Variants in PKN2 observed in about 807,000 individuals in gnomAD.
PKN2 encodes the protein serine/threonine-protein kinase N2.
PKN2 carries 38 observed loss-of-function variants against 119.1 expected under a neutral mutation model. The ratio of observed to expected loss-of-function variants is 0.32; its 90% confidence interval spans 0.25 to 0.42. PKN2 has a LOEUF of 0.42. Among genes scored for constraint, PKN2 ranks in the 10% least tolerant of loss-of-function variants. The probability of loss-of-function intolerance (pLI) is 1.00; values close to 1 mark genes in which losing one functional copy is unlikely to be tolerated. For synonymous variants in PKN2, 390 were observed against 384.9 expected (o/e 1.01, Z -0.15); for missense variants, 850 against 1,165.1 (o/e 0.73, Z 3.94).
intron 2 of PKN2, among the ~76,000 whole-genome samples, chr1:88,750,336 A>G (rs907660555): frequency 6.6e-6 from 1 of 152,208 alleles, no homozygotes; most frequent in African/African-American, 2.4e-5. Flanking sequence ...TCCTCTAAGA[A>G]GGATCGGGAT....
intron 1 of PKN2, among the ~76,000 whole-genome samples, chr1:88,686,352 G>A (rs997001985): frequency 4.6e-5 from 7 of 151,988 alleles, no homozygotes; most frequent in Non-Finnish European, 1.0e-4. Context: ...CACCTACTTT[G>A]GCACTGGAAC....
chr1:88,816,149 A>G (rs1470627031), intron 16 of PKN2, among the ~76,000 whole-genome samples: 1 of 151,670 alleles, frequency 6.6e-6, no homozygotes, highest in Non-Finnish European at 1.5e-5. Context: ...AATTAAAAAA[A>G]AGAGAGAAAT....
At chr1:88,770,227 G>A (rs942732506) in intron 3 of PKN2, 125 bp from the exon 4 acceptor site, 15 of 580,690 alleles carry the variant, frequency 2.6e-5, no homozygotes, top group African/African-American at 7.4e-5. Context: ...ATACTATAGC[G>A]CCAACAGCAT....
chr1:88,791,520 C>A (rs1403052218), intron 8 of PKN2, among the ~76,000 whole-genome samples: 1 of 151,784 alleles, frequency 6.6e-6, no homozygotes, highest in Non-Finnish European at 1.5e-5. Context: ...AATAAAATAT[C>A]CATATTACTG....
intron 8 of PKN2, among the ~76,000 whole-genome samples, chr1:88,798,753 T>A (rs998146468): frequency 3.0e-4 from 45 of 152,170 alleles, no homozygotes; most frequent in Admixed American, 3.3e-4. Flanking sequence ...AGAGGCCACA[T>A]CTGAAGGAAT....
intron 1 of PKN2, among the ~76,000 whole-genome samples, chr1:88,710,715 T>C (rs1242012555): frequency 6.6e-6 from 1 of 152,218 alleles, no homozygotes; most frequent in East Asian, 1.9e-4. Flanking sequence ...TGTAAATTAG[T>C]TCAACCATTG....
At chr1:88,775,288 G>A (rs769524886) in intron 6 of PKN2, among the ~76,000 whole-genome samples, 9 of 152,074 alleles carry the variant, frequency 5.9e-5, no homozygotes, top group Non-Finnish European at 8.8e-5. Flanking sequence ...TGAACTCCTC[G>A]CAACCACTCA....
intron 6 of PKN2, among the ~76,000 whole-genome samples, 166 bp from the exon 7 acceptor site, chr1:88,784,473 C>A (rs1670486821): frequency 6.6e-6 from 1 of 152,000 alleles, no homozygotes; most frequent in African/African-American, 2.4e-5. Context: ...GTAATGGTTT[C>A]TCTAATTAAA....
intron 3 of PKN2, among the ~76,000 whole-genome samples, chr1:88,761,916 AC>A (rs796409921): frequency 2.6e-5 from 4 of 151,516 alleles, no homozygotes; most frequent in African/African-American, 9.7e-5. Context: ...TGTTATTTTG[AC>A]CTTTTTTTTA....
intron 1 of PKN2, among the ~76,000 whole-genome samples, chr1:88,685,928 T>TCCCA (rs1666078463): frequency 6.6e-6 from 1 of 152,198 alleles, no homozygotes; most frequent in East Asian, 1.9e-4. Flanking sequence ...GGTATAATGG[T>TCCCA]TGATATTTCC....
Position 88,810,713 on chromosome 1 carries a change from T to G in PKN2, c.2103-2844T>G, listed in dbSNP as rs558129227. On this transcript the variant is annotated intron_variant, in intron 15 of 21. Transcript: ENST00000370521. Reference sequence around the variant, plus strand: ...CCTCCGCCTCCCGGGTTCAAGCGATTCTCCTTCCTTAGCCTCCCAAGTAGC... The same window carrying G: ...CCTCCGCCTCCCGGGTTCAAGCGATGCTCCTTCCTTAGCCTCCCAAGTAGC... Among the ~76,000 whole-genome samples, 3 of 152,184 alleles carry G rather than the reference T, an allele frequency of 2.0e-5. No homozygotes were observed. The East Asian group carries it at 5.8e-4, about 29-fold the overall frequency.
intron 1 of PKN2, among the ~76,000 whole-genome samples, chr1:88,740,686 CTAAGAT>C (rs1354370593): frequency 6.6e-6 from 1 of 151,974 alleles, no homozygotes; most frequent in Non-Finnish European, 1.5e-5. Context: ...ACCTGGGTTC[CTAAGAT>C]ACCAAAATCC....
intron 1 of PKN2, among the ~76,000 whole-genome samples, chr1:88,730,201 G>A (rs1184682974): frequency 6.6e-6 from 1 of 152,028 alleles, no homozygotes; most frequent in Non-Finnish European, 1.5e-5. Flanking sequence ...ATGGCCTACA[G>A]GGCCCTATAT....
At chr1:88,816,447 C>G (rs7516229) in intron 16 of PKN2, among the ~76,000 whole-genome samples, 1 of 151,620 alleles carries the variant, frequency 6.6e-6, no homozygotes, top group African/African-American at 2.4e-5. Flanking sequence ...GGGTTTCACT[C>G]TATTGGCCAG....
At chr1:88,830,723 A>G (rs1215371562) in intron 19 of PKN2, among the ~76,000 whole-genome samples, 1 of 152,110 alleles carries the variant, frequency 6.6e-6, no homozygotes, top group Non-Finnish European at 1.5e-5. Context: ...GAGCTAATTG[A>G]TTGAGCTCTT....
At chr1:88,709,901 A>G (rs1667157136) in intron 1 of PKN2, among the ~76,000 whole-genome samples, 1 of 152,172 alleles carries the variant, frequency 6.6e-6, no homozygotes, top group Non-Finnish European at 1.5e-5. Context: ...GAAAGTGGGT[A>G]TGTGGTGTTT....
intron 1 of PKN2, among the ~76,000 whole-genome samples, chr1:88,699,283 A>G (rs1445408103): frequency 1.3e-5 from 2 of 152,080 alleles, no homozygotes; most frequent in African/African-American, 4.8e-5. Context: ...CACTAACTTC[A>G]GATGTATATA....
intron 1 of PKN2, among the ~76,000 whole-genome samples, chr1:88,698,109 GA>G (rs538856236): frequency 5.3e-5 from 8 of 152,200 alleles, no homozygotes; most frequent in Non-Finnish European, 8.8e-5. Flanking sequence ...ACTCTACAAT[GA>G]AGGTCTTAGA....
chr1:88,748,282 A>T (rs1262487089), intron 2 of PKN2, among the ~76,000 whole-genome samples: 1 of 152,168 alleles, frequency 6.6e-6, no homozygotes, highest in Non-Finnish European at 1.5e-5. Context: ...TTCCCTGACA[A>T]CCACTGACCT....
Sources: gnomAD v4.1 joint callset for allele counts (sites outside exome capture counted in the v4.1 genomes callset) on GRCh38, gnomAD v4.1.1 for gene constraint, MANE v1.5 for transcripts, NCBI Gene and HGNC (gene_info 2026-07-23, HGNC 2026-07-21) for gene names.